The following MRPS28 variants were observed in gnomAD, a reference collection of about 807,000 sequenced individuals.
MRPS28 encodes the protein mitochondrial ribosomal protein S28, also known as small ribosomal subunit protein bS1m.
MRPS28 carries 7 observed loss-of-function variants against 10.8 expected under a neutral mutation model. That is an observed-to-expected ratio of 0.65 (90% CI 0.37 to 1.22). The LOEUF (loss-of-function observed/expected upper bound fraction) is 1.22. Ranked by LOEUF, MRPS28 falls within the 50% of genes most tolerant of loss-of-function variation. The pLI is 0.02. For missense variants in MRPS28, 265 were observed against 232.9 expected, an observed-to-expected ratio of 1.14 and a Z score of -0.90; for synonymous variants, 121 against 93.3, an observed-to-expected ratio of 1.30 and a Z score of -1.71.
chr8:79,982,726 T>C (rs1053139014), intron 2 of MRPS28, among the ~76,000 whole-genome samples: 24 of 152,194 alleles, frequency 1.6e-4, no homozygotes, highest in Admixed American at 5.2e-4. Context: ...GCACCCGCCA[T>C]TGCCCAGGCT....
intron 1 of MRPS28, among the ~76,000 whole-genome samples, chr8:80,024,985 A>G (rs1809460436): frequency 6.6e-6 from 1 of 152,260 alleles, no homozygotes; most frequent in African/African-American, 2.4e-5. Flanking sequence ...CAGAATTTGC[A>G]GCAGGGAAGC....
At chr8:79,937,255 C>T (rs1025068397) in intron 2 of MRPS28, among the ~76,000 whole-genome samples, 25 of 152,192 alleles carry the variant, frequency 1.6e-4, no homozygotes, top group African/African-American at 6.0e-4. Flanking sequence ...TAAAGCATAA[C>T]TCATTTCTTC....
intron 1 of MRPS28, among the ~76,000 whole-genome samples, chr8:80,009,642 A>G (rs561039990): frequency 8.4e-4 from 127 of 152,010 alleles, no homozygotes; most frequent in African/African-American, 3.0e-3. Context: ...GAAAGAAATT[A>G]GGCATCTATA....
At chr8:79,963,713 ACTG>A (rs1468364175) in intron 2 of MRPS28, among the ~76,000 whole-genome samples, 1 of 152,118 alleles carries the variant, frequency 6.6e-6, no homozygotes, top group African/African-American at 2.4e-5. Flanking sequence ...GACTCAGTGT[ACTG>A]CTGCTTTGGT....
intron 2 of MRPS28, among the ~76,000 whole-genome samples, chr8:79,928,704 G>A (rs1395238107): frequency 6.6e-6 from 1 of 150,906 alleles, no homozygotes; most frequent in African/African-American, 2.4e-5. Flanking sequence ...GCCTCCCAAA[G>A]TGCTGGGATT....
chr8:80,011,135 ATTTTTATT>A (rs1024757128), intron 1 of MRPS28, among the ~76,000 whole-genome samples: 4 of 136,112 alleles, frequency 2.9e-5, no homozygotes, highest in African/African-American at 5.9e-5. Context: ...TTATTTTTTT[ATTTTTATT>A]TTTTTTTGTA....
At chr8:79,938,118 A>C (rs949644998) in intron 2 of MRPS28, among the ~76,000 whole-genome samples, 5 of 152,208 alleles carry the variant, frequency 3.3e-5, no homozygotes, top group South Asian at 4.1e-4. Flanking sequence ...CAAATAAGGC[A>C]ACTTCTGAAG....
At chr8:79,920,058 A>G (rs962656978) in intron 2 of MRPS28, among the ~76,000 whole-genome samples, 3 of 148,230 alleles carry the variant, frequency 2.0e-5, no homozygotes, top group Non-Finnish European at 3.0e-5. Context: ...TTTTGTCCTT[A>G]CGATAGTTTG....
At chr8:79,979,776 A>G (rs1452648042) in intron 2 of MRPS28, among the ~76,000 whole-genome samples, 1 of 151,998 alleles carries the variant, frequency 6.6e-6, no homozygotes, top group African/African-American at 2.4e-5. Context: ...AAACACAGAC[A>G]TGTGGTCTGT....
intron 2 of MRPS28, chr8:79,957,683 TG>T (rs1807263032): frequency 6.6e-6 from 1 of 152,060 alleles, no homozygotes. Context: ...TGTGCCACAC[TG>T]CATTACAGCC....
At chr8:79,983,381 AG>A (rs1808035955) in intron 2 of MRPS28, among the ~76,000 whole-genome samples, 1 of 152,198 alleles carries the variant, frequency 6.6e-6, no homozygotes, top group African/African-American at 2.4e-5. Context: ...CCTCCTCCAA[AG>A]GAACGCAGCT....
At chr8:80,013,844 G>C (rs980952028) in intron 1 of MRPS28, among the ~76,000 whole-genome samples, 1 of 151,972 alleles carries the variant, frequency 6.6e-6, no homozygotes, top group Non-Finnish European at 1.5e-5. Context: ...TCGCAACAGA[G>C]TTCTTTTATT....
intron 2 of MRPS28, among the ~76,000 whole-genome samples, chr8:79,923,767 T>A (rs1317263848): frequency 6.6e-6 from 1 of 152,178 alleles, no homozygotes; most frequent in Non-Finnish European, 1.5e-5. Flanking sequence ...GGATTCAATC[T>A]CAGCCTTTAC....
intron 2 of MRPS28, among the ~76,000 whole-genome samples, chr8:79,924,611 A>G (rs1563517526): frequency 6.6e-6 from 1 of 152,240 alleles, no homozygotes; most frequent in African/African-American, 2.4e-5. Context: ...GATACAATGT[A>G]AAGTGATATT....
Position 79,918,963 on chromosome 8 carries a change from C to CA in MRPS28, c.*16dup, listed in dbSNP as rs759613171. On this transcript the variant is annotated 3_prime_UTR_variant, in exon 3 of 3. Coordinates refer to ENST00000276585, the MANE Select transcript of MRPS28 (RefSeq NM_014018.3). ...ACTGACTTCAGCAAAGGAGTCAATC[C>CA]ACTAAGCAAAGTTCATTTATTTTTC... 2.7e-6 allele frequency: 4 copies of CA among 1,495,502 alleles called. No individual in the cohort carries two copies. Among genetic ancestry groups the CA allele is most frequent in the Non-Finnish European group, 2.7e-6 (3 of 1,119,646 alleles). The allele number at this position is 1,495,502 out of a possible 1,614,324, so 92.6% of individuals were successfully genotyped here. A position where few individuals can be genotyped will look rare whatever the true frequency, so the allele number is the denominator to read the frequency against.
chr8:79,975,855 C>T (rs904055807), intron 2 of MRPS28, among the ~76,000 whole-genome samples: 9 of 151,932 alleles, frequency 5.9e-5, no homozygotes, highest in African/African-American at 2.2e-4. Context: ...GATAGTTATA[C>T]CAAAATCTAT....
chr8:79,976,525 C>T (rs1479413536), intron 2 of MRPS28, among the ~76,000 whole-genome samples: 12 of 151,966 alleles, frequency 7.9e-5, no homozygotes, highest in African/African-American at 2.2e-4. Flanking sequence ...GGCAACATGG[C>T]GAAACCCTAG....
chr8:79,958,804 C>T (rs1305863227), intron 2 of MRPS28, among the ~76,000 whole-genome samples: 2 of 152,092 alleles, frequency 1.3e-5, no homozygotes, highest in African/African-American at 4.8e-5. Flanking sequence ...AAATGTTTCA[C>T]ATTTAACCCC....
intron 2 of MRPS28, among the ~76,000 whole-genome samples, chr8:79,950,207 T>C (rs941097886): frequency 3.3e-5 from 5 of 152,152 alleles, no homozygotes; most frequent in Admixed American, 6.5e-5. Flanking sequence ...AACAAATGCT[T>C]AACTAATTTT....
Sources: gnomAD v4.1 joint callset for allele counts (sites outside exome capture counted in the v4.1 genomes callset) on GRCh38, gnomAD v4.1.1 for gene constraint, MANE v1.5 for transcripts, NCBI Gene and HGNC (gene_info 2026-07-23, HGNC 2026-07-21) for gene names.